The following CDH12 variants were observed in gnomAD, a reference collection of about 807,000 sequenced individuals.
CDH12 encodes cadherin-12.
Under a neutral mutation model 74.1 loss-of-function variants are expected in CDH12, and 41 were observed. The observed-to-expected ratio is 0.55, with a 90% confidence interval of 0.43 to 0.72. The LOEUF (loss-of-function observed/expected upper bound fraction) is 0.72, where lower values mean the gene tolerates loss of function less well. Among genes scored for constraint, CDH12 ranks in the 30% least tolerant of loss-of-function variants. CDH12 has a pLI of 0.00. For synonymous variants in CDH12, 399 were observed against 355.0 expected, an observed-to-expected ratio of 1.12 and a Z score of -1.39; for missense variants, 945 against 977.2, an observed-to-expected ratio of 0.97 and a Z score of 0.44.
chr5:22,723,308 A>C (rs1003660484), intron 1 of CDH12, among the ~76,000 whole-genome samples: 1 of 152,164 alleles, frequency 6.6e-6, no homozygotes, highest in East Asian at 1.9e-4. Flanking sequence ...CAAAGCGTTT[A>C]TACGTTTTAC....
intron 3 of CDH12, among the ~76,000 whole-genome samples, chr5:22,345,530 T>C (rs1410384303): frequency 6.6e-6 from 1 of 152,200 alleles, no homozygotes; most frequent in East Asian, 1.9e-4. Flanking sequence ...TTAACACTAA[T>C]CAATATAAAA....
intron 4 of CDH12, among the ~76,000 whole-genome samples, chr5:22,184,592 G>T (rs531771420): frequency 6.6e-6 from 1 of 152,302 alleles, no homozygotes; most frequent in African/African-American, 2.4e-5. Context: ...GCACGACAAT[G>T]AACACAGCAA....
chr5:22,620,828 T>C (rs1269922483), intron 1 of CDH12, among the ~76,000 whole-genome samples: 1 of 152,136 alleles, frequency 6.6e-6, no homozygotes, highest in Non-Finnish European at 1.5e-5. Flanking sequence ...AAAGAAAACA[T>C]TATAATGGAT....
At chr5:21,862,694 A>T (rs1392656203) in intron 6 of CDH12, among the ~76,000 whole-genome samples, 1 of 152,186 alleles carries the variant, frequency 6.6e-6, no homozygotes, top group Non-Finnish European at 1.5e-5. Context: ...TATTCTAGGT[A>T]TTATTTCCAT....
At chr5:22,412,134 T>C (rs567214444) in intron 2 of CDH12, among the ~76,000 whole-genome samples, 14 of 151,960 alleles carry the variant, frequency 9.2e-5, no homozygotes, top group Non-Finnish European at 1.8e-4. Context: ...AATAGCAGTA[T>C]TCATGCCATC....
intron 4 of CDH12, among the ~76,000 whole-genome samples, chr5:22,191,387 G>A (rs1201706812): frequency 2.6e-5 from 4 of 151,794 alleles, no homozygotes; most frequent in South Asian, 2.1e-4. Flanking sequence ...ACACTGGATC[G>A]ACCCAGTTTC....
intron 1 of CDH12, among the ~76,000 whole-genome samples, chr5:22,780,536 G>C (rs553726150): frequency 6.6e-6 from 1 of 152,180 alleles, no homozygotes; most frequent in South Asian, 2.1e-4. Flanking sequence ...CAGAGCAAAG[G>C]AGGGAAAGCT....
intron 6 of CDH12, among the ~76,000 whole-genome samples, chr5:21,935,082 G>A (rs112015008): frequency 0.017 from 2,645 of 152,058 alleles, 83 homozygotes; most frequent in African/African-American, 0.061. Flanking sequence ...CAACGTGCCC[G>A]GCCCCTTTTC....
intron 1 of CDH12, among the ~76,000 whole-genome samples, chr5:22,665,455 A>G (rs1437243010): frequency 6.6e-6 from 1 of 152,188 alleles, no homozygotes; most frequent in East Asian, 1.9e-4. Context: ...ACAAAGTAAT[A>G]ATATTGCAGA....
At chr5:22,094,312 A>G (rs1030858259) in intron 4 of CDH12, among the ~76,000 whole-genome samples, 1 of 152,176 alleles carries the variant, frequency 6.6e-6, no homozygotes, top group Non-Finnish European at 1.5e-5. Context: ...GCAAGCAAGA[A>G]GAGCTCTTGG....
intron 1 of CDH12, among the ~76,000 whole-genome samples, chr5:22,628,075 C>G (rs1352666635): frequency 6.6e-6 from 1 of 151,758 alleles, no homozygotes. Flanking sequence ...ACATATGCAC[C>G]CAACAAAGGA....
intron 14 of CDH12, among the ~76,000 whole-genome samples, chr5:21,754,866 CT>C (rs1744297477): frequency 6.6e-6 from 1 of 152,132 alleles, no homozygotes; most frequent in Non-Finnish European, 1.5e-5. Context: ...AATGGAGAAG[CT>C]GAACAGAGTT....
chr5:22,060,445 C>T (rs1358239237), intron 5 of CDH12, among the ~76,000 whole-genome samples: 2 of 151,948 alleles, frequency 1.3e-5, no homozygotes, highest in African/African-American at 4.8e-5. Flanking sequence ...TGTAACAAAC[C>T]TACACGTTCA....
In CDH12 at chr5:22,489,056, CT is replaced by C. The variant is rs10685463; in HGVS notation, c.-428+16213del. Among the ~76,000 whole-genome samples the C allele has an allele frequency of 9.9e-4, 37 of 37,326 alleles. 4 individuals carry two copies. Among genetic ancestry groups the C allele is most frequent in the African/African-American group, 1.2e-3 (11 of 9,086 alleles). The allele number at this position is 37,326 out of a possible 152,430, so 24.5% of individuals were successfully genotyped here. A position where few individuals can be genotyped will look rare whatever the true frequency, so the allele number is the denominator to read the frequency against. ...AGTAATTGCAGTTTTTTGGTACCAC[CT>C]TTTTTTTTTTTTTTTTTTGAGACAG... On this transcript the variant is annotated intron_variant, in intron 2 of 14. Coordinates refer to ENST00000382254, the MANE Select transcript of CDH12 (RefSeq NM_004061.5).
At chr5:22,021,095 T>A (rs549854580) in intron 5 of CDH12, among the ~76,000 whole-genome samples, 1 of 152,274 alleles carries the variant, frequency 6.6e-6, no homozygotes, top group African/African-American at 2.4e-5. Context: ...ACACCCATAA[T>A]GGGATATATT....
intron 1 of CDH12, among the ~76,000 whole-genome samples, chr5:22,570,404 A>G (rs1242410299): frequency 6.6e-6 from 1 of 152,092 alleles, no homozygotes; most frequent in Non-Finnish European, 1.5e-5. Flanking sequence ...TCCTTTATCC[A>G]TGTGCTACAG....
chr5:22,430,078 C>A (rs966762302), intron 2 of CDH12, among the ~76,000 whole-genome samples: 2 of 152,012 alleles, frequency 1.3e-5, no homozygotes, highest in Non-Finnish European at 2.9e-5. Context: ...TTATATACCC[C>A]CTAAGATACT....
chr5:22,189,361 G>A (rs902937791), intron 4 of CDH12, among the ~76,000 whole-genome samples: 26 of 152,020 alleles, frequency 1.7e-4, no homozygotes, highest in African/African-American at 6.3e-4. Flanking sequence ...AACATGAGAG[G>A]TTGATAAATA....
intron 1 of CDH12, among the ~76,000 whole-genome samples, chr5:22,574,070 TCTC>T (rs1354140697): frequency 2.1e-5 from 3 of 143,518 alleles, no homozygotes; most frequent in African/African-American, 5.1e-5. Flanking sequence ...TCTGTCTCTC[TCTC>T]TTTTTTTTTT....
Sources: gnomAD v4.1 joint callset for allele counts (sites outside exome capture counted in the v4.1 genomes callset) on GRCh38, gnomAD v4.1.1 for gene constraint, MANE v1.5 for transcripts, NCBI Gene and HGNC (gene_info 2026-07-23, HGNC 2026-07-21) for gene names.